UBE2E1: variants seen among roughly 807,000 people sequenced by gnomAD.
UBE2E1 encodes ubiquitin conjugating enzyme E2 E1.
In UBE2E1, 6 loss-of-function variants were observed where a neutral mutation model predicts 21.4. That is an observed-to-expected ratio of 0.28 (90% CI 0.15 to 0.55). The LOEUF (loss-of-function observed/expected upper bound fraction) is 0.55, where lower values mean the gene tolerates loss of function less well. UBE2E1 is among the 20% of genes least tolerant of loss of function. The pLI, the probability that UBE2E1 is intolerant of heterozygous loss-of-function variation, is 0.93. For synonymous variants in UBE2E1, 87 were observed against 82.7 expected, an observed-to-expected ratio of 1.05 and a Z score of -0.28; for missense variants, 142 against 236.5, an observed-to-expected ratio of 0.60 and a Z score of 2.62.
intron 2 of UBE2E1, chr3:23,807,666 C>A (rs917767777): frequency 2.6e-6 from 1 of 384,104 alleles, no homozygotes; most frequent in Non-Finnish European, 4.5e-6. Flanking sequence ...TAAGATTCCT[C>A]GTTACTTTTA....
At chr3:23,875,882 C>T (rs758570878) in intron 3 of UBE2E1, among the ~76,000 whole-genome samples, 2 of 152,234 alleles carry the variant, frequency 1.3e-5, no homozygotes, top group Non-Finnish European at 2.9e-5. Context: ...AAGCGATTCT[C>T]CTGCCTCACC....
intron 3 of UBE2E1, among the ~76,000 whole-genome samples, chr3:23,875,101 TAAA>T (rs1700888126): frequency 6.6e-6 from 1 of 152,208 alleles, no homozygotes; most frequent in Non-Finnish European, 1.5e-5. Context: ...AGTTTTCTTT[TAAA>T]AACAGTGTCA....
Position 23,835,792 on chromosome 3 carries a change from GT to G in UBE2E1, c.203+24285del, listed in dbSNP as rs931760828. On this transcript the variant is annotated intron_variant, in intron 3 of 5. Coordinates refer to ENST00000306627, the MANE Select transcript of UBE2E1 (RefSeq NM_003341.5). ...TACCTGTATCAATTTGCAGATTATT[GT>G]TTGAAAAATTCTGGTGAATTGAGAC... 2.6e-4 allele frequency among the ~76,000 whole-genome samples: 39 copies of G among 152,106 alleles called. 1 individual carries two copies. Among genetic ancestry groups the G allele is most frequent in the African/African-American group, 9.2e-4 (38 of 41,492 alleles).
At chr3:23,858,274 C>T (rs1430570421) in intron 3 of UBE2E1, among the ~76,000 whole-genome samples, 2 of 152,156 alleles carry the variant, frequency 1.3e-5, no homozygotes, top group South Asian at 2.1e-4. Flanking sequence ...CTGTCGTCAG[C>T]ATTTTATAAA....
intron 3 of UBE2E1, among the ~76,000 whole-genome samples, chr3:23,856,423 T>C (rs1700438188): frequency 6.6e-6 from 1 of 152,244 alleles, no homozygotes; most frequent in Non-Finnish European, 1.5e-5. Flanking sequence ...TTTAAAACAT[T>C]AGCCTTCTCT....
At chr3:23,882,402 A>C (rs548661412) in intron 3 of UBE2E1, among the ~76,000 whole-genome samples, 19 of 152,384 alleles carry the variant, frequency 1.2e-4, no homozygotes, top group Admixed American at 1.2e-3. Flanking sequence ...TGGTACATTT[A>C]CAATCCTCCA....
At chr3:23,866,521 A>G (rs1013772137) in intron 3 of UBE2E1, 1 of 152,130 alleles carries the variant, frequency 6.6e-6, no homozygotes, top group Non-Finnish European at 1.5e-5. Flanking sequence ...TTTTAGCTCT[A>G]GGGGGAAAAA....
intron 3 of UBE2E1, among the ~76,000 whole-genome samples, chr3:23,829,633 A>G (rs1391157840): frequency 6.6e-6 from 1 of 152,092 alleles, no homozygotes; most frequent in African/African-American, 2.4e-5. Context: ...GAAGTGGGAA[A>G]GTTTACAGAT....
At chr3:23,858,350 C>T (rs1307777719) in intron 3 of UBE2E1, among the ~76,000 whole-genome samples, 6 of 152,140 alleles carry the variant, frequency 3.9e-5, no homozygotes, top group African/African-American at 1.4e-4. Context: ...GATGGAGTCT[C>T]GCTCTGTCAT....
At chr3:23,864,945 C>CCCTCTGTTT (rs1700623070) in intron 3 of UBE2E1, among the ~76,000 whole-genome samples, 1 of 152,228 alleles carries the variant, frequency 6.6e-6, no homozygotes, top group Non-Finnish European at 1.5e-5. Flanking sequence ...ATGTTAATGA[C>CCCTCTGTTT]CACTGGTGCA....
chr3:23,848,482 A>C (rs941138131), intron 3 of UBE2E1, among the ~76,000 whole-genome samples: 7 of 149,184 alleles, frequency 4.7e-5, no homozygotes, highest in Admixed American at 1.3e-4. Context: ...AAAAAAAAAA[A>C]CAAAAAACAA....
rs935482554 is a variant in UBE2E1 at position 23,842,205 on chromosome 3, G to A, written c.203+30695G>A. On this transcript the variant is annotated intron_variant, in intron 3 of 5. Coordinates refer to ENST00000306627, the MANE Select transcript of UBE2E1 (RefSeq NM_003341.5). This position sits in a 1 kb window ranked among gnomAD's most constrained non-coding sequence, Gnocchi z 4.6. ...TGACCCAGTAAGTGAAGGGGTGTGT[G>A]TGTGTGTGTGTGTGTGTGTGTGTGT... 2.1e-5 allele frequency among the ~76,000 whole-genome samples: 2 copies of A among 97,366 alleles called. No homozygotes were observed. Among genetic ancestry groups the A allele is most frequent in the African/African-American group, 8.3e-5 (2 of 23,994 alleles). 63.9% of individuals were successfully genotyped at this position (97,366 alleles called of 152,430 possible).
In UBE2E1 at chr3:23,812,449, A is replaced by C. The variant is rs567867155; in HGVS notation, c.203+939A>C. On this transcript the variant is annotated intron_variant, in intron 3 of 5. Transcript: ENST00000306627. ...CAATTTTTAAGATGAGTGTGTGGGA[A>C]TAGGTTGAAAAGCTAAATGAAGTAT... Among the ~76,000 whole-genome samples the C allele has an allele frequency of 4.6e-5, 7 of 152,330 alleles. No homozygotes were observed. In the East Asian group the frequency reaches 1.3e-3, roughly 29 times the overall value.
chr3:23,889,264 GGT>G lies in UBE2E1; in HGVS notation c.484+6_484+7del. 6.2e-7 allele frequency: 1 copy of G among 1,613,640 alleles called. No individual in the cohort carries two copies. The highest frequency in any genetic ancestry group is 8.5e-7 in the Non-Finnish European group (1 of 1,179,946). On this transcript the variant is annotated splice_donor_region_variant and intron_variant, in intron 5 of 5. Coordinates refer to ENST00000306627, the MANE Select transcript of UBE2E1 (RefSeq NM_003341.5). ...TTCTTACAGACTGTAATCCTGGTAA[GGT>G]TCATAATTCTTTACCTTGTTTTATT...
intron 3 of UBE2E1, among the ~76,000 whole-genome samples, chr3:23,824,372 A>G (rs1456638044): frequency 6.6e-6 from 1 of 152,224 alleles, no homozygotes; most frequent in African/African-American, 2.4e-5. Flanking sequence ...GACTTAGCAG[A>G]GAAAAAAGTG....
rs368231355 is a variant in UBE2E1, at chr3:23,870,087, T to C, written c.204-17480T>C. Among the ~76,000 whole-genome samples, 21 of 152,300 alleles carry C rather than the reference T, an allele frequency of 1.4e-4. No homozygotes were observed. In the East Asian group the frequency reaches 3.5e-3, roughly 25 times the overall value. On this transcript the variant is annotated intron_variant, in intron 3 of 5. Coordinates refer to ENST00000306627, the MANE Select transcript of UBE2E1 (RefSeq NM_003341.5). The surrounding 1 kb of genome is among the most constrained non-coding windows in gnomAD (Gnocchi z 4.2). Reference sequence around the variant, plus strand: ...ACTTTTACATGTCTGGTTTTCCACCTGGGCTGGGAAGGCCCACAGCTGAGG... The same window carrying C: ...ACTTTTACATGTCTGGTTTTCCACCCGGGCTGGGAAGGCCCACAGCTGAGG...
At position 23,870,594 on chromosome 3, in the gene UBE2E1, CA is replaced by C. The variant is rs1394175141; in HGVS notation, c.204-16972del. 3.9e-5 allele frequency among the ~76,000 whole-genome samples: 6 copies of C among 152,346 alleles called. No homozygotes were observed. In the East Asian group the frequency reaches 1.2e-3, roughly 29 times the overall value. ...TTCTGCTATAGTTTATCAGTGAGCT[CA>C]GGAGTTCAAGTGGCTTCTCTTATTT... On this transcript the variant is annotated intron_variant, in intron 3 of 5. Transcript: ENST00000306627. This position sits in a 1 kb window ranked among gnomAD's most constrained non-coding sequence, Gnocchi z 4.2.
intron 4 of UBE2E1, 47 bp from the exon 5 acceptor site, chr3:23,889,065 C>G (rs746579556): frequency 1.9e-6 from 3 of 1,541,242 alleles, no homozygotes; most frequent in Non-Finnish European, 2.6e-6. Flanking sequence ...TATTTAGTAA[C>G]AAGTTTGTTT....
At position 23,890,741 on chromosome 3, in the gene UBE2E1, C is replaced by G. The variant is rs1020864089; in HGVS notation, c.*135C>G. ...AACAGATATTATTCAGTCTTATTTC[C>G]TAAGATTTTGTTGTAACTTAAGGTA... On this transcript the variant is annotated 3_prime_UTR_variant, in exon 6 of 6. Transcript: ENST00000306627. 6 of 765,770 alleles carry G rather than the reference C, an allele frequency of 7.8e-6. No individual in the cohort carries two copies. The highest frequency in any genetic ancestry group is 9.5e-6 in the Non-Finnish European group (5 of 524,724). 47.4% of individuals were successfully genotyped at this position (765,770 alleles called of 1,614,324 possible).
Sources: gnomAD v4.1 joint callset for allele counts (sites outside exome capture counted in the v4.1 genomes callset) on GRCh38, gnomAD v4.1.1 for gene constraint, Gnocchi (gnomAD v3.1) non-coding constraint, MANE v1.5 for transcripts, NCBI Gene and HGNC (gene_info 2026-07-23, HGNC 2026-07-21) for gene names.